TNNI3K: variants seen among roughly 807,000 people sequenced by gnomAD.
The protein encoded by TNNI3K is serine/threonine-protein kinase TNNI3K.
Under a neutral mutation model 114.5 loss-of-function variants are expected in TNNI3K, and 140 were observed. That is an observed-to-expected ratio of 1.22 (90% CI 1.07 to 1.41). The LOEUF (loss-of-function observed/expected upper bound fraction) is 1.41, where lower values mean the gene tolerates loss of function less well. Ranked by LOEUF, TNNI3K falls within the 40% of genes most tolerant of loss-of-function variation. The pLI is 0.00. For missense variants in TNNI3K, 1,125 were observed against 1,007.6 expected (o/e 1.12, Z -1.58); for synonymous variants, 347 against 347.5 (o/e 1.00, Z 0.02).
intron 5 of TNNI3K, among the ~76,000 whole-genome samples, chr1:74,293,908 A>G (rs998582563): frequency 6.6e-6 from 1 of 151,716 alleles, no homozygotes; most frequent in Non-Finnish European, 1.5e-5. Flanking sequence ...TACTATTAAC[A>G]TTAAATTGTT....
chr1:74,535,901 A>G (rs1646655872), intron 23 of TNNI3K, among the ~76,000 whole-genome samples: 1 of 152,166 alleles, frequency 6.6e-6, no homozygotes, highest in Non-Finnish European at 1.5e-5. Context: ...ACACTGTGCT[A>G]GAATCCAGCT....
intron 23 of TNNI3K, among the ~76,000 whole-genome samples, chr1:74,502,353 T>C (rs1014897114): frequency 1.3e-5 from 2 of 152,184 alleles, no homozygotes; most frequent in Non-Finnish European, 2.9e-5. Context: ...CATGATGCCA[T>C]TGAATTCAAC....
chr1:74,320,398 A>C (rs1027892974), intron 5 of TNNI3K, among the ~76,000 whole-genome samples: 4 of 152,200 alleles, frequency 2.6e-5, no homozygotes, highest in Admixed American at 6.5e-5. Context: ...ACTTATTCTA[A>C]AATTTTTGCA....
chr1:74,353,145 A>C, intron 9 of TNNI3K, 121 bp from the exon 10 acceptor site: 6 of 1,028,698 alleles, frequency 5.8e-6, no homozygotes, highest in Non-Finnish European at 8.4e-6. Context: ...ATACAGTCTC[A>C]TTGTCAGGTT....
chr1:74,448,968 C>T (rs1406154330), intron 20 of TNNI3K, among the ~76,000 whole-genome samples: 2 of 69,948 alleles, frequency 2.9e-5, no homozygotes, highest in East Asian at 8.7e-4. Context: ...CAGAATGATG[C>T]TGGCCTCATA....
intron 17 of TNNI3K, among the ~76,000 whole-genome samples, chr1:74,387,150 A>G (rs868111487): frequency 1.3e-5 from 2 of 152,210 alleles, no homozygotes; most frequent in Admixed American, 6.5e-5. Context: ...AAATGTCTCA[A>G]CAATTGAACA....
At chr1:74,428,417 C>T (rs274577) in intron 17 of TNNI3K, among the ~76,000 whole-genome samples, 142,325 of 152,172 alleles carry the variant, frequency 0.94, 66,631 homozygotes, top group African/African-American at 0.98. Flanking sequence ...ATAATAACAT[C>T]ACAATTTGTA....
At chr1:74,328,241 C>G (rs944548788) in intron 5 of TNNI3K, among the ~76,000 whole-genome samples, 2 of 152,038 alleles carry the variant, frequency 1.3e-5, no homozygotes, top group Non-Finnish European at 2.9e-5. Flanking sequence ...TAGTAGGGAA[C>G]AAAATAGATT....
At chr1:74,335,940 T>C (rs1173298647) in intron 6 of TNNI3K, 71 bp from the exon 7 acceptor site, 3 of 1,488,000 alleles carry the variant, frequency 2.0e-6, no homozygotes, top group Non-Finnish European at 2.7e-6. Context: ...AGTTGTGTTC[T>C]TGTATACTGC....
Position 74,464,475 on chromosome 1 carries a change from A to G in TNNI3K, c.2121+925A>G, listed in dbSNP as rs45612132. Among the ~76,000 whole-genome samples the G allele has an allele frequency of 9.3e-4, 142 of 152,344 alleles. 1 individual carries two copies. The highest frequency in any genetic ancestry group is 3.3e-3 in the African/African-American group (136 of 41,584). ...ATCCTAGTTATTGTCCTCTTAAATT[A>G]TAACTTTGTTTCTGATCCTTCCTAG... On this transcript the variant is annotated intron_variant, in intron 21 of 24. Transcript: ENST00000326637.
At chr1:74,356,799 G>A (rs889427326) in intron 11 of TNNI3K, among the ~76,000 whole-genome samples, 3 of 152,190 alleles carry the variant, frequency 2.0e-5, no homozygotes, top group East Asian at 1.9e-4. Context: ...TTAACTTAGA[G>A]GACTTGCCCA....
chr1:74,301,884 G>A (rs772993920), intron 5 of TNNI3K, among the ~76,000 whole-genome samples: 3 of 152,176 alleles, frequency 2.0e-5, no homozygotes, highest in Admixed American at 1.3e-4. Flanking sequence ...AAAGACAGCA[G>A]TGACTTCTAA....
At chr1:74,541,805 C>T (rs1208613321) in intron 24 of TNNI3K, among the ~76,000 whole-genome samples, 1 of 152,196 alleles carries the variant, frequency 6.6e-6, no homozygotes, top group Non-Finnish European at 1.5e-5. Flanking sequence ...AAAGAAGATA[C>T]ATTCGATATC....
intron 5 of TNNI3K, among the ~76,000 whole-genome samples, chr1:74,326,289 A>T (rs1659897253): frequency 6.6e-6 from 1 of 152,096 alleles, no homozygotes; most frequent in Non-Finnish European, 1.5e-5. Flanking sequence ...CTTCCATGGG[A>T]CATTTGGTTC....
At chr1:74,347,329 C>T (rs1449367699) in intron 9 of TNNI3K, among the ~76,000 whole-genome samples, 1 of 152,036 alleles carries the variant, frequency 6.6e-6, no homozygotes, top group East Asian at 1.9e-4. Context: ...AGGACATGAA[C>T]TCATCATTTT....
At chr1:74,471,776 T>C in intron 21 of TNNI3K, 1 of 420,760 alleles carries the variant, frequency 2.4e-6, no homozygotes, top group Non-Finnish European at 4.2e-6. Flanking sequence ...TTGTCCTCAC[T>C]CATAAGAAAT....
At chr1:74,466,248 C>T (rs962247055) in intron 21 of TNNI3K, among the ~76,000 whole-genome samples, 1 of 152,198 alleles carries the variant, frequency 6.6e-6, no homozygotes, top group South Asian at 2.1e-4. Context: ...TCTGGACACA[C>T]TATGACAAAG....
At chr1:74,241,147 C>T (rs933908206) in intron 2 of TNNI3K, among the ~76,000 whole-genome samples, 6 of 152,148 alleles carry the variant, frequency 3.9e-5, no homozygotes, top group Non-Finnish European at 7.4e-5. Context: ...GTATATGTGC[C>T]ACATTTTCTT....
intron 21 of TNNI3K, among the ~76,000 whole-genome samples, chr1:74,484,777 G>A (rs999289999): frequency 6.6e-5 from 10 of 152,206 alleles, no homozygotes; most frequent in Middle Eastern, 3.4e-3. Flanking sequence ...AAGACATAGC[G>A]TTTTAACCCA....
Sources: gnomAD v4.1 joint callset for allele counts (sites outside exome capture counted in the v4.1 genomes callset) on GRCh38, gnomAD v4.1.1 for gene constraint, MANE v1.5 for transcripts, NCBI Gene and HGNC (gene_info 2026-07-23, HGNC 2026-07-21) for gene names.